Variants in TPRG1 observed in about 807,000 individuals in gnomAD.
TPRG1 encodes the protein tumor protein p63-regulated gene 1 protein.
TPRG1 carries 29 observed loss-of-function variants against 29.3 expected under a neutral mutation model. The observed-to-expected ratio is 0.99, with a 90% confidence interval of 0.74 to 1.35. TPRG1 has a LOEUF of 1.35. TPRG1 is among the 40% of genes most tolerant of loss of function. TPRG1 has a pLI of 0.00. For synonymous variants in TPRG1, 130 were observed against 116.8 expected, an observed-to-expected ratio of 1.11 and a Z score of -0.73; for missense variants, 327 against 335.0, an observed-to-expected ratio of 0.98 and a Z score of 0.19.
chr3:189,314,299 G>A (rs1171668134), intron 5 of TPRG1, among the ~76,000 whole-genome samples: 1 of 152,130 alleles, frequency 6.6e-6, no homozygotes, highest in African/African-American at 2.4e-5. Context: ...GGTGATATAG[G>A]TTTGAGATTA....
At chr3:189,199,305 A>G (rs1429540205) in intron 1 of TPRG1, among the ~76,000 whole-genome samples, 1 of 152,246 alleles carries the variant, frequency 6.6e-6, no homozygotes, top group African/African-American at 2.4e-5. Context: ...CCATTTATGA[A>G]CAATCTCTAC....
chr3:189,072,976 T>C (rs1202212282), intron 4 of TPRG1, among the ~76,000 whole-genome samples: 4 of 152,202 alleles, frequency 2.6e-5, no homozygotes, highest in Non-Finnish European at 5.9e-5. Flanking sequence ...TAAGACACTT[T>C]CTTACTCTTT....
chr3:189,019,141 T>G (rs1435929927), intron 3 of TPRG1, among the ~76,000 whole-genome samples: 1 of 151,160 alleles, frequency 6.6e-6, no homozygotes, highest in Non-Finnish European at 1.5e-5. Context: ...GCTGAGACAA[T>G]GGGGTTTTCT....
chr3:189,293,285 C>T (rs1172533375), intron 4 of TPRG1, among the ~76,000 whole-genome samples: 1 of 152,132 alleles, frequency 6.6e-6, no homozygotes, highest in African/African-American at 2.4e-5. Context: ...ACTGGAGGCT[C>T]TCCCCTCCCA....
intron 4 of TPRG1, among the ~76,000 whole-genome samples, chr3:189,089,176 G>A (rs1312538759): frequency 1.3e-5 from 2 of 152,060 alleles, no homozygotes; most frequent in African/African-American, 2.4e-5. Context: ...CAAATGGGAA[G>A]CTGTCCATCA....
intron 1 of TPRG1, among the ~76,000 whole-genome samples, chr3:189,195,636 A>C (rs1408050087): frequency 6.6e-6 from 1 of 152,204 alleles, no homozygotes; most frequent in Non-Finnish European, 1.5e-5. Context: ...GAGCACAGCT[A>C]TGTGGACTCC....
chr3:189,310,374 C>T lies in TPRG1; in HGVS notation c.480-12C>T. 1 of 1,574,052 alleles carries T rather than the reference C, an allele frequency of 6.4e-7. No individual in the cohort carries two copies. The highest frequency in any genetic ancestry group is 8.6e-7 in the Non-Finnish European group (1 of 1,160,494). On this transcript the variant is annotated splice_polypyrimidine_tract_variant and intron_variant, in intron 4 of 5. Coordinates refer to ENST00000345063, the MANE Select transcript of TPRG1 (RefSeq NM_198485.4). ...GAAATGACTAATCTAATGGAAAACG[C>T]CTTTCTTGTAGGAGACAAGGAGAAG...
At chr3:189,154,429 G>A (rs766538738) in intron 5 of TPRG1, among the ~76,000 whole-genome samples, 14 of 150,334 alleles carry the variant, frequency 9.3e-5, no homozygotes, top group Non-Finnish European at 1.9e-4. Context: ...AAAATCCATG[G>A]CCTCATGCAG....
intron 4 of TPRG1, among the ~76,000 whole-genome samples, chr3:189,251,334 T>C (rs947812551): frequency 6.6e-6 from 1 of 152,190 alleles, no homozygotes; most frequent in East Asian, 1.9e-4. Flanking sequence ...AAGTAAAGGC[T>C]GTGGATGATT....
chr3:189,256,658 C>G (rs1711945696), intron 4 of TPRG1, among the ~76,000 whole-genome samples: 1 of 152,178 alleles, frequency 6.6e-6, no homozygotes, highest in South Asian at 2.1e-4. Flanking sequence ...CTGTAGGTCT[C>G]TAAGAACTTG....
At chr3:189,258,193 C>A (rs919341543) in intron 4 of TPRG1, among the ~76,000 whole-genome samples, 2 of 151,458 alleles carry the variant, frequency 1.3e-5, no homozygotes, top group African/African-American at 4.9e-5. Context: ...TTTGTGTGGT[C>A]ATCCTTTTTT....
At chr3:189,182,040 T>G (rs1217151986) in intron 1 of TPRG1, among the ~76,000 whole-genome samples, 7 of 152,168 alleles carry the variant, frequency 4.6e-5, no homozygotes, top group African/African-American at 1.7e-4. Flanking sequence ...CTCCCGAGAC[T>G]TATTCACTAT....
chr3:189,149,285 C>A (rs886567128), intron 4 of TPRG1, among the ~76,000 whole-genome samples: 6 of 152,132 alleles, frequency 3.9e-5, no homozygotes, highest in Non-Finnish European at 5.9e-5. Context: ...TGTATTAATT[C>A]ATGTTAAGTA....
At chr3:189,139,857 A>G (rs1724304629) in intron 3 of TPRG1, among the ~76,000 whole-genome samples, 1 of 152,116 alleles carries the variant, frequency 6.6e-6, no homozygotes, top group African/African-American at 2.4e-5. Context: ...TCTGTCTAGC[A>G]TATGGTTGCA....
At chr3:189,291,946 C>T (rs1316275898) in intron 4 of TPRG1, among the ~76,000 whole-genome samples, 2 of 152,192 alleles carry the variant, frequency 1.3e-5, no homozygotes, top group Non-Finnish European at 2.9e-5. Flanking sequence ...GGGTAGGCTT[C>T]TACTTATCAA....
intron 1 of TPRG1, among the ~76,000 whole-genome samples, chr3:189,194,569 A>G (rs1732227656): frequency 6.6e-6 from 1 of 152,108 alleles, no homozygotes; most frequent in South Asian, 2.1e-4. Flanking sequence ...TGGGCTCAGG[A>G]GTCTGTGTCA....
rs1452602431 is a variant in TPRG1, at chr3:189,323,105, A to G, written c.*2285A>G. On this transcript the variant is annotated 3_prime_UTR_variant, in exon 6 of 6. Transcript: ENST00000345063. ...TATAGTTATAAATTTTCAATGATGG[A>G]ATGGGTTGCTTCTTTAAACAGTGAG... 1 of 152,132 alleles carries G rather than the reference A, an allele frequency of 6.6e-6. No individual in the cohort carries two copies. The highest frequency in any genetic ancestry group is 1.9e-4 in the East Asian group (1 of 5,190). The allele number at this position is 152,132 out of a possible 1,614,324, so 9.4% of individuals were successfully genotyped here.
chr3:189,201,265 G>T (rs945912167), intron 1 of TPRG1, among the ~76,000 whole-genome samples: 7 of 152,216 alleles, frequency 4.6e-5, no homozygotes, highest in Non-Finnish European at 1.0e-4. Context: ...TTCTTCCCAA[G>T]GGTTCACAGA....
intron 4 of TPRG1, among the ~76,000 whole-genome samples, chr3:189,286,037 T>C (rs938707508): frequency 2.0e-5 from 3 of 152,102 alleles, no homozygotes; most frequent in Non-Finnish European, 4.4e-5. Context: ...CTTGACTTAA[T>C]TTGTACAATT....
Sources: allele counts gnomAD v4.1 joint callset (sites outside exome capture counted in the v4.1 genomes callset), GRCh38; gene constraint gnomAD v4.1.1; transcripts MANE v1.5; gene names NCBI Gene and HGNC (gene_info 2026-07-23, HGNC 2026-07-21).